The following AGBL1 variants were observed in gnomAD, a reference collection of about 807,000 sequenced individuals.
AGBL1 encodes the protein AGBL carboxypeptidase 1, also known as cytosolic carboxypeptidase 4.
AGBL1 carries 130 observed loss-of-function variants against 118.9 expected under a neutral mutation model. That is an observed-to-expected ratio of 1.09 (90% CI 0.95 to 1.26). The LOEUF is 1.26. Among genes scored for constraint, AGBL1 ranks in the 50% most tolerant of loss-of-function variants. The pLI is 0.00. For synonymous variants in AGBL1, 555 were observed against 478.9 expected, an observed-to-expected ratio of 1.16 and a Z score of -2.08; for missense variants, 1,584 against 1,298.1, an observed-to-expected ratio of 1.22 and a Z score of -3.38.
At chr15:86,398,074 T>G (rs1345099321) in intron 18 of AGBL1, among the ~76,000 whole-genome samples, 1 of 152,216 alleles carries the variant, frequency 6.6e-6, no homozygotes, top group Non-Finnish European at 1.5e-5. Context: ...CAATTAGCTC[T>G]GATAGGACAC....
intron 22 of AGBL1, among the ~76,000 whole-genome samples, chr15:86,760,835 G>T (rs921920088): frequency 4.6e-5 from 7 of 151,988 alleles, no homozygotes; most frequent in African/African-American, 1.4e-4. Context: ...ACTGCCCTCT[G>T]TCCCACCCTA....
chr15:86,616,348 A>AC (rs2084723663), intron 21 of AGBL1, among the ~76,000 whole-genome samples: 1 of 70,776 alleles, frequency 1.4e-5, no homozygotes, highest in Non-Finnish European at 3.1e-5. Context: ...TCAAAAAAAA[A>AC]AAAAAAAAAA....
chr15:86,258,237 T>C (rs1037681265), intron 9 of AGBL1, among the ~76,000 whole-genome samples: 4 of 152,250 alleles, frequency 2.6e-5, no homozygotes, highest in African/African-American at 7.2e-5. Context: ...TCCGGTACAA[T>C]GTCTCATTAT....
intron 22 of AGBL1, among the ~76,000 whole-genome samples, chr15:86,794,273 AG>A (rs1567177125): frequency 6.6e-6 from 1 of 152,238 alleles, no homozygotes; most frequent in African/African-American, 2.4e-5. Flanking sequence ...AGTCACATAA[AG>A]GAATGAAGTA....
At chr15:86,865,408 T>A (rs760831958) in intron 22 of AGBL1, among the ~76,000 whole-genome samples, 9 of 152,184 alleles carry the variant, frequency 5.9e-5, no homozygotes, top group Non-Finnish European at 1.2e-4. Flanking sequence ...ATTTTGGAGG[T>A]ACCCTTTGTT....
chr15:86,926,270 C>G (rs138652093), intron 23 of AGBL1, among the ~76,000 whole-genome samples: 160 of 152,304 alleles, frequency 1.1e-3, no homozygotes, highest in African/African-American at 3.6e-3. Context: ...ATCTCCATGA[C>G]TTTACTTCGT....
chr15:86,774,207 C>G (rs2078220126), intron 22 of AGBL1, among the ~76,000 whole-genome samples: 1 of 152,024 alleles, frequency 6.6e-6, no homozygotes, highest in Non-Finnish European at 1.5e-5. Flanking sequence ...CTGTTTTTCC[C>G]TCACTGAAAT....
intron 16 of AGBL1, among the ~76,000 whole-genome samples, chr15:86,294,465 C>A (rs2079600609): frequency 7.2e-6 from 1 of 138,854 alleles, no homozygotes; most frequent in East Asian, 2.2e-4. Context: ...ATGGCTATTT[C>A]ATTTTTTTTT....
Position 86,271,724 on chromosome 15 carries a change from T to C in AGBL1, c.2075+18T>C, listed in dbSNP as rs2079165692. Reference sequence around the variant, plus strand: ...TATTACAAGTAAGTTAGAGCGCTGTTAGCTTCCTTTTCTCTGTCCTGTAAT... The same window carrying C: ...TATTACAAGTAAGTTAGAGCGCTGTCAGCTTCCTTTTCTCTGTCCTGTAAT... On this transcript the variant is annotated intron_variant, in intron 15 of 22. Coordinates refer to ENST00000614907, the MANE Select transcript of AGBL1 (RefSeq NM_001386094.1). 1 of 1,588,926 alleles carries C rather than the reference T, an allele frequency of 6.3e-7. No individual in the cohort carries two copies.
chr15:86,541,295 C>T (rs2083491086), intron 19 of AGBL1, among the ~76,000 whole-genome samples: 1 of 152,152 alleles, frequency 6.6e-6, no homozygotes, highest in Admixed American at 6.6e-5. Context: ...TGGGCTCAAC[C>T]CAGACCTACT....
intron 17 of AGBL1, among the ~76,000 whole-genome samples, chr15:86,385,147 C>A (rs865887285): frequency 1.3e-5 from 2 of 152,056 alleles, no homozygotes; most frequent in Admixed American, 6.6e-5. Flanking sequence ...TAACTTAGCA[C>A]CAAAAAGTCT....
intron 18 of AGBL1, among the ~76,000 whole-genome samples, chr15:86,517,101 G>A (rs2083130756): frequency 6.6e-6 from 1 of 152,208 alleles, no homozygotes; most frequent in Admixed American, 6.5e-5. Flanking sequence ...AATGGGTTGG[G>A]CAAGTATGTA....
chr15:86,379,424 T>C lies in AGBL1; in HGVS notation c.2375-17942T>C, dbSNP rs529688395. On this transcript the variant is annotated intron_variant, in intron 17 of 22. Transcript: ENST00000614907. ...AAAGTCAAATTTGAGTGGTTCTCAT[T>C]CAAACTAGATATGGCCATACCAATA... Among the ~76,000 whole-genome samples, 10 of 152,310 alleles carry C rather than the reference T, an allele frequency of 6.6e-5. No individual in the cohort carries two copies. The South Asian group carries it at 2.1e-3, about 32-fold the overall frequency.
intron 21 of AGBL1, among the ~76,000 whole-genome samples, chr15:86,641,354 C>T (rs565311019): frequency 4.8e-4 from 72 of 151,564 alleles, no homozygotes; most frequent in South Asian, 4.6e-3. Context: ...AATATATGTG[C>T]GCTGTTTAAA....
chr15:86,899,489 G>T (rs1373124746), intron 22 of AGBL1, among the ~76,000 whole-genome samples: 1 of 152,200 alleles, frequency 6.6e-6, no homozygotes, highest in East Asian at 1.9e-4. Flanking sequence ...CATGACACAA[G>T]TTTACCTATG....
chr15:86,665,873 T>C (rs537062340), intron 21 of AGBL1, among the ~76,000 whole-genome samples: 1 of 152,282 alleles, frequency 6.6e-6, no homozygotes, highest in African/African-American at 2.4e-5. Context: ...AGGGCTCCTT[T>C]GTCAACTACA....
At chr15:86,495,250 C>T (rs565334508) in intron 18 of AGBL1, among the ~76,000 whole-genome samples, 157 of 150,912 alleles carry the variant, frequency 1.0e-3, no homozygotes, top group Admixed American at 2.0e-3. Context: ...TTATTAAATT[C>T]TTCTTTAATT....
At chr15:86,461,989 A>T (rs926710916) in intron 18 of AGBL1, among the ~76,000 whole-genome samples, 1 of 152,114 alleles carries the variant, frequency 6.6e-6, no homozygotes, top group African/African-American at 2.4e-5. Flanking sequence ...AGCCCATACA[A>T]ATTCTTAGCT....
chr15:86,991,075 T>C (rs532092198), intron 24 of AGBL1, among the ~76,000 whole-genome samples: 1 of 152,322 alleles, frequency 6.6e-6, no homozygotes, highest in South Asian at 2.1e-4. Context: ...GGCTCTCTGA[T>C]CCTGAGACCT....
Sources: allele counts gnomAD v4.1 joint callset (sites outside exome capture counted in the v4.1 genomes callset), GRCh38; gene constraint gnomAD v4.1.1; transcripts MANE v1.5; gene names NCBI Gene and HGNC (gene_info 2026-07-23, HGNC 2026-07-21).